ASTN1: variants seen among roughly 807,000 people sequenced by gnomAD.
ASTN1 encodes astrotactin-1.
A neutral mutation model predicts 140.7 loss-of-function variants in ASTN1; 41 were observed. The ratio of observed to expected loss-of-function variants is 0.29; its 90% CI spans 0.23 to 0.38. The LOEUF is 0.38. Ranked by LOEUF, ASTN1 falls within the 10% of genes least tolerant of loss-of-function variation. The probability of loss-of-function intolerance (pLI) is 1.00; values close to 1 mark genes in which losing one functional copy is unlikely to be tolerated. For missense variants in ASTN1, 1,479 were observed against 1,678.8 expected, an observed-to-expected ratio of 0.88 and a Z score of 2.08; for synonymous variants, 640 against 652.2, an observed-to-expected ratio of 0.98 and a Z score of 0.29.
chr1:177,047,392 T>TC (rs1295314785), intron 2 of ASTN1, among the ~76,000 whole-genome samples: 2 of 151,994 alleles, frequency 1.3e-5, no homozygotes, highest in African/African-American at 4.8e-5. Context: ...TGACTGATTG[T>TC]CAGGGTAGCT....
intron 20 of ASTN1, among the ~76,000 whole-genome samples, chr1:176,879,697 A>G (rs944952408): frequency 2.6e-5 from 4 of 152,094 alleles, no homozygotes; most frequent in South Asian, 2.1e-4. Flanking sequence ...CATTACCCCA[A>G]TGGGGCAATC....
chr1:177,161,716 G>T (rs1371844704), intron 1 of ASTN1, among the ~76,000 whole-genome samples: 2 of 152,148 alleles, frequency 1.3e-5, no homozygotes, highest in African/African-American at 4.8e-5. Flanking sequence ...GATCCTAGAG[G>T]CAAAAGGAAG....
chr1:176,894,969 T>A (rs1669444578), intron 16 of ASTN1, 139 bp from the exon 17 acceptor site: 1 of 1,241,958 alleles, frequency 8.1e-7, no homozygotes, highest in Admixed American at 2.2e-5. Flanking sequence ...GATTCTGCCA[T>A]CCCACTTAAT....
intron 16 of ASTN1, among the ~76,000 whole-genome samples, chr1:176,916,760 G>A (rs913615732): frequency 1.4e-4 from 22 of 152,124 alleles, no homozygotes; most frequent in African/African-American, 5.3e-4. Context: ...CATCCTCCAC[G>A]CTGTCATTAC....
chr1:177,085,926 G>A (rs1679443035), intron 1 of ASTN1, among the ~76,000 whole-genome samples: 1 of 152,102 alleles, frequency 6.6e-6, no homozygotes, highest in Admixed American at 6.5e-5. Flanking sequence ...TTAGACACAT[G>A]TCCAAGTCCA....
chr1:177,031,087 C>T (rs1227106160), intron 3 of ASTN1, 135 bp from the exon 4 acceptor site: 8 of 938,264 alleles, frequency 8.5e-6, no homozygotes, highest in Non-Finnish European at 1.2e-5. Flanking sequence ...GAGAGACTGG[C>T]TGCAAGAAAC....
At chr1:176,918,169 C>T (rs1424025330) in intron 16 of ASTN1, among the ~76,000 whole-genome samples, 2 of 152,096 alleles carry the variant, frequency 1.3e-5, no homozygotes, top group African/African-American at 4.8e-5. Flanking sequence ...TGCGGCACCC[C>T]CTACCCCAAC....
At chr1:176,864,769 C>T (rs1668076104) in intron 22 of ASTN1, among the ~76,000 whole-genome samples, 1 of 152,088 alleles carries the variant, frequency 6.6e-6, no homozygotes, top group South Asian at 2.1e-4. Context: ...AAGAAACAGA[C>T]AAAATGCATA....
rs73047042 is a variant in ASTN1 at position 177,064,789 on chromosome 1, T to A, written c.284-3524A>T. On this transcript the variant is annotated intron_variant, in intron 1 of 22. Transcript: ENST00000361833. ...ATGATAGCTTCTTCCTTGGCTTTTT[T>A]CTTTTTCCTGGCAGATCTGGCACAG... 2.3e-3 allele frequency among the ~76,000 whole-genome samples: 348 copies of A among 152,366 alleles called. 2 individuals are homozygous for A. The highest frequency in any genetic ancestry group is 8.0e-3 in the African/African-American group (334 of 41,594).
intron 16 of ASTN1, among the ~76,000 whole-genome samples, chr1:176,921,610 G>A (rs1260068821): frequency 1.3e-5 from 2 of 152,198 alleles, no homozygotes; most frequent in Non-Finnish European, 2.9e-5. Flanking sequence ...ACTAATTGGA[G>A]GTACACAAAT....
intron 5 of ASTN1, among the ~76,000 whole-genome samples, chr1:177,028,982 C>T (rs947399252): frequency 3.3e-5 from 5 of 152,098 alleles, no homozygotes; most frequent in East Asian, 3.9e-4. Flanking sequence ...GAGCTGTGGC[C>T]GGAATAGCCA....
Position 177,164,503 on chromosome 1 carries a change from G to A in ASTN1, c.174C>T (p.Ser58=). Reference sequence around the variant, plus strand: ...GGAGCTTGGGCTCCGAGGCCGAGGGGCTGTGCATGATGCTCAGGTCGTTCT... The same window carrying A: ...GGAGCTTGGGCTCCGAGGCCGAGGGACTGTGCATGATGCTCAGGTCGTTCT... ...LRENDLSIMH[S]PSASEPKLLF... The change falls in exon 1 of 23, where the codon AGC becomes AGT. Residue 58 remains serine, a synonymous_variant. Coordinates refer to ENST00000361833, the MANE Select transcript of ASTN1 (RefSeq NM_004319.3). The A allele has an allele frequency of 6.2e-7, 1 of 1,613,934 alleles. No individual in the cohort carries two copies. Among genetic ancestry groups the A allele is most frequent in the Non-Finnish European group, 8.5e-7 (1 of 1,179,928 alleles).
At chr1:177,057,166 T>C (rs1463291340) in intron 2 of ASTN1, among the ~76,000 whole-genome samples, 3 of 152,158 alleles carry the variant, frequency 2.0e-5, no homozygotes, top group Admixed American at 2.0e-4. Flanking sequence ...GGTACCTCTT[T>C]GGAAAAAATA....
At chr1:176,857,599 C>T, downstream of ASTN1, 1 of 608,692 alleles carries the variant, frequency 1.6e-6, no homozygotes, top group Admixed American at 2.9e-5. Flanking sequence ...CCGTCTTCTT[C>T]CTTTCCTCCA....
chr1:177,135,136 C>T (rs976938840), intron 1 of ASTN1, among the ~76,000 whole-genome samples: 8 of 152,110 alleles, frequency 5.3e-5, no homozygotes, highest in African/African-American at 1.9e-4. Flanking sequence ...TGCTTTGTTG[C>T]CTCATTTCTC....
chr1:177,017,686 C>G (rs1421875732), intron 7 of ASTN1, among the ~76,000 whole-genome samples: 1 of 152,142 alleles, frequency 6.6e-6, no homozygotes, highest in Admixed American at 6.5e-5. Context: ...CGGAGGAGAG[C>G]CCAGCCAGAC....
intron 1 of ASTN1, among the ~76,000 whole-genome samples, chr1:177,134,684 C>T (rs1041190992): frequency 1.3e-5 from 2 of 152,138 alleles, no homozygotes; most frequent in Non-Finnish European, 1.5e-5. Flanking sequence ...CTTAAAATAT[C>T]GATTTTTCCT....
chr1:176,880,490 C>T (rs780222258), intron 20 of ASTN1, among the ~76,000 whole-genome samples: 5 of 152,282 alleles, frequency 3.3e-5, no homozygotes, highest in Non-Finnish European at 5.9e-5. Flanking sequence ...TGAGTCACCT[C>T]CCTACCCTGG....
rs181547827 is a variant in ASTN1, at chr1:177,108,976, G to C, written c.284-47711C>G. Among the ~76,000 whole-genome samples the C allele has an allele frequency of 2.2e-3, 338 of 152,126 alleles. 1 individual carries two copies. The highest frequency in any genetic ancestry group is 7.9e-3 in the African/African-American group (326 of 41,504). On this transcript the variant is annotated intron_variant, in intron 1 of 22. Coordinates refer to ENST00000361833, the MANE Select transcript of ASTN1 (RefSeq NM_004319.3). ...AACTCTGATTTTGTAGCTAGGTAGA[G>C]AAGGATAAGCTGGAAAAGCACGCAA...
Sources: allele counts gnomAD v4.1 joint callset (sites outside exome capture counted in the v4.1 genomes callset), GRCh38; gene constraint gnomAD v4.1.1; transcripts MANE v1.5; gene names NCBI Gene and HGNC (gene_info 2026-07-23, HGNC 2026-07-21).